VTI1A: variants seen among roughly 807,000 people sequenced by gnomAD.
The protein encoded by VTI1A is vesicle transport through interaction with t-SNAREs homolog 1A.
A neutral mutation model predicts 34.9 loss-of-function variants in VTI1A; 22 were observed. That is an observed-to-expected ratio of 0.63 (90% CI 0.45 to 0.90). The LOEUF (loss-of-function observed/expected upper bound fraction) is 0.90, where lower values mean the gene tolerates loss of function less well. VTI1A is among the 40% of genes least tolerant of loss of function. The probability of loss-of-function intolerance (pLI) is 0.00; values close to 1 mark genes in which losing one functional copy is unlikely to be tolerated. For missense variants in VTI1A, 268 were observed against 275.6 expected (o/e 0.97, Z 0.20); for synonymous variants, 87 against 97.3 (o/e 0.89, Z 0.62).
intron 5 of VTI1A, among the ~76,000 whole-genome samples, chr10:112,566,823 G>A (rs1322070669): frequency 6.6e-6 from 1 of 152,110 alleles, no homozygotes; most frequent in Non-Finnish European, 1.5e-5. Flanking sequence ...AATCTTTAGG[G>A]AAGGGTTTAT....
intron 7 of VTI1A, among the ~76,000 whole-genome samples, chr10:112,691,306 T>TAAATAAAA (rs398069896): frequency 4.0e-5 from 6 of 150,864 alleles, no homozygotes; most frequent in African/African-American, 1.5e-4. Flanking sequence ...AATAAATAAA[T>TAAATAAAA]GAAAGTTCCA....
At chr10:112,712,433 G>C (rs1281541153) in intron 7 of VTI1A, among the ~76,000 whole-genome samples, 2 of 150,494 alleles carry the variant, frequency 1.3e-5, no homozygotes, top group Non-Finnish European at 2.9e-5. Context: ...AACTCTATGT[G>C]GTCTAAATGA....
At chr10:112,589,485 A>C (rs1844298393) in intron 5 of VTI1A, among the ~76,000 whole-genome samples, 1 of 152,186 alleles carries the variant, frequency 6.6e-6, no homozygotes. Flanking sequence ...TTTCTTTTGT[A>C]AATTGCCCAG....
intron 1 of VTI1A, among the ~76,000 whole-genome samples, chr10:112,451,224 C>T (rs1040392049): frequency 1.3e-5 from 2 of 152,166 alleles, no homozygotes; most frequent in African/African-American, 4.8e-5. Flanking sequence ...TCTCCTCCAT[C>T]GGTAGAATGG....
At chr10:112,802,638 T>C (rs1852913541) in intron 7 of VTI1A, among the ~76,000 whole-genome samples, 1 of 152,194 alleles carries the variant, frequency 6.6e-6, no homozygotes, top group South Asian at 2.1e-4. Context: ...CCGCATTCTC[T>C]AGAAGAATCA....
intron 7 of VTI1A, chr10:112,736,750 C>A: frequency 6.5e-7 from 1 of 1,549,394 alleles, no homozygotes; most frequent in Non-Finnish European, 8.7e-7. Context: ...AACAATGTAA[C>A]CTGTCTCTGG....
chr10:112,618,520 T>TAGAGAGAGAGAGAGAGAGAGAGAG (rs1249234028), intron 5 of VTI1A, among the ~76,000 whole-genome samples: 9 of 46,172 alleles, frequency 1.9e-4, no homozygotes, highest in African/African-American at 3.2e-4. Context: ...TATATATATA[T>TAGAGAGAGAGAGAGAGAGAGAGAG]ATATAGAGAG....
rs181409904 is a variant in VTI1A at position 112,502,179 on chromosome 10, C to T, written c.265-24908C>T. 5.9e-5 allele frequency among the ~76,000 whole-genome samples: 9 copies of T among 151,892 alleles called. 1 individual carries two copies. The East Asian group carries it at 1.4e-3, about 23-fold the overall frequency. The stretch of plus-strand genomic sequence containing the variant: ...AGTAGCTGGGACCACAGGTGCATGC[C>T]ACCACACCCAGCTAATTTTTTTTTC... On this transcript the variant is annotated intron_variant, in intron 3 of 7. Transcript: ENST00000393077.
At chr10:112,471,908 T>C (rs527979191) in intron 3 of VTI1A, among the ~76,000 whole-genome samples, 9 of 152,140 alleles carry the variant, frequency 5.9e-5, no homozygotes, top group Admixed American at 4.6e-4. Flanking sequence ...CAAAAAACCC[T>C]CCAAAATTGT....
At chr10:112,523,049 A>T (rs575469111) in intron 3 of VTI1A, among the ~76,000 whole-genome samples, 1 of 152,202 alleles carries the variant, frequency 6.6e-6, no homozygotes, top group South Asian at 2.1e-4. Context: ...TCACATGTAG[A>T]ATCATACAGG....
chr10:112,538,156 A>C, intron 4 of VTI1A, 90 bp from the exon 5 acceptor site: 1 of 1,089,178 alleles, frequency 9.2e-7, no homozygotes, highest in Non-Finnish European at 1.4e-6. Flanking sequence ...ACCCCATGTT[A>C]GGGCATACGA....
intron 7 of VTI1A, among the ~76,000 whole-genome samples, chr10:112,750,846 A>G (rs1851077712): frequency 1.3e-5 from 2 of 152,200 alleles, no homozygotes; most frequent in Admixed American, 1.3e-4. Flanking sequence ...ATATTGTGCA[A>G]TAGAATAAAA....
At chr10:112,673,294 T>A (rs1847914143) in intron 7 of VTI1A, among the ~76,000 whole-genome samples, 2 of 143,630 alleles carry the variant, frequency 1.4e-5, no homozygotes, top group Admixed American at 1.4e-4. Context: ...CCAGCCTGGG[T>A]GACAGAGTGA....
intron 5 of VTI1A, among the ~76,000 whole-genome samples, chr10:112,603,792 C>T (rs928339234): frequency 1.3e-5 from 2 of 152,120 alleles, no homozygotes; most frequent in African/African-American, 2.4e-5. Flanking sequence ...TTCCCCATCC[C>T]CCACCCCACC....
chr10:112,531,524 C>G (rs2134236649), intron 4 of VTI1A, among the ~76,000 whole-genome samples: 1 of 151,984 alleles, frequency 6.6e-6, no homozygotes, highest in East Asian at 1.9e-4. Context: ...AAAAACCCTC[C>G]CATTACCTAG....
intron 3 of VTI1A, among the ~76,000 whole-genome samples, chr10:112,488,063 T>C (rs1298237773): frequency 1.3e-5 from 2 of 152,176 alleles, no homozygotes; most frequent in African/African-American, 4.8e-5. Context: ...TATAAATAAA[T>C]TAAAAGAGTA....
At chr10:112,810,423 TA>T (rs373387520) in intron 7 of VTI1A, among the ~76,000 whole-genome samples, 78 of 148,158 alleles carry the variant, frequency 5.3e-4, no homozygotes, top group African/African-American at 1.9e-3. Flanking sequence ...AAAAAAAAGT[TA>T]AAAATTAAAG....
intron 5 of VTI1A, among the ~76,000 whole-genome samples, chr10:112,651,500 G>A (rs558744283): frequency 1.3e-5 from 2 of 152,050 alleles, no homozygotes; most frequent in East Asian, 1.9e-4. Context: ...TGGTAGAGAC[G>A]GGGTTTCACC....
At chr10:112,794,748 G>T (rs561754452) in intron 7 of VTI1A, among the ~76,000 whole-genome samples, 11 of 152,080 alleles carry the variant, frequency 7.2e-5, no homozygotes, top group Non-Finnish European at 1.5e-4. Context: ...TATATTATCA[G>T]CAAGAAAATT....
Sources: allele counts gnomAD v4.1 joint callset (sites outside exome capture counted in the v4.1 genomes callset), GRCh38; gene constraint gnomAD v4.1.1; transcripts MANE v1.5; gene names NCBI Gene and HGNC (gene_info 2026-07-23, HGNC 2026-07-21).